Variants in AOPEP observed in about 807,000 individuals in gnomAD.
The protein encoded by AOPEP is aminopeptidase O.
In AOPEP, 77 loss-of-function variants were observed where a neutral mutation model predicts 98.1. That is an observed-to-expected ratio of 0.78 (90% CI 0.65 to 0.95). The LOEUF is 0.95. AOPEP is among the 40% of genes least tolerant of loss of function. The probability of loss-of-function intolerance (pLI) is 0.00; values close to 1 mark genes in which losing one functional copy is unlikely to be tolerated. For missense variants in AOPEP, 1,024 were observed against 1,024.7 expected (o/e 1.00, Z 0.01); for synonymous variants, 346 against 365.3 (o/e 0.95, Z 0.60).
At chr9:94,744,651 A>G (rs867665330) in intron 1 of AOPEP, among the ~76,000 whole-genome samples, 41 of 149,046 alleles carry the variant, frequency 2.8e-4, no homozygotes, top group African/African-American at 1.0e-3. Context: ...CAGTGAGACA[A>G]GATTGTGCCA....
chr9:94,875,347 G>GAAAAAA (rs71366265), intron 5 of AOPEP, among the ~76,000 whole-genome samples: 123 of 71,480 alleles, frequency 1.7e-3, no homozygotes, highest in African/African-American at 2.6e-3. Flanking sequence ...AATTGAGCAA[G>GAAAAAA]AAAAAAAAAA....
the AOPEP span, among the ~76,000 whole-genome samples, chr9:95,149,271 T>C: frequency 2.0e-5 from 3 of 151,952 alleles, no homozygotes; most frequent in Non-Finnish European, 2.9e-5. Context: ...AAGGAAACAA[T>C]AGTCGCTGGG....
At chr9:94,852,379 C>T (rs1225796394) in intron 5 of AOPEP, among the ~76,000 whole-genome samples, 2 of 152,200 alleles carry the variant, frequency 1.3e-5, no homozygotes, top group East Asian at 3.9e-4. Context: ...GTTAGTATCA[C>T]AGGCTTCCTG....
At chr9:95,096,515 C>G in the AOPEP span, among the ~76,000 whole-genome samples, 1 of 152,132 alleles carries the variant, frequency 6.6e-6, no homozygotes, top group East Asian at 1.9e-4. Flanking sequence ...TGGTGATGCC[C>G]AACAGGCGGC....
At chr9:94,770,022 C>G (rs200949275) in intron 2 of AOPEP, among the ~76,000 whole-genome samples, 2 of 152,178 alleles carry the variant, frequency 1.3e-5, no homozygotes, top group East Asian at 3.9e-4. Context: ...TCTATGCGTC[C>G]TACTTCATCA....
At chr9:94,796,769 C>T (rs1847035425) in intron 4 of AOPEP, among the ~76,000 whole-genome samples, 1 of 152,212 alleles carries the variant, frequency 6.6e-6, no homozygotes, top group Non-Finnish European at 1.5e-5. Flanking sequence ...TTAGTAAATA[C>T]ATTGATTATA....
intron 11 of AOPEP, chr9:95,004,141 G>A (rs376260238): frequency 2.2e-6 from 1 of 447,200 alleles, no homozygotes; most frequent in Non-Finnish European, 4.5e-6. Flanking sequence ...TTAAAGGGAT[G>A]GTCAAGACCC....
intron 11 of AOPEP, among the ~76,000 whole-genome samples, chr9:94,984,250 C>T (rs1298834893): frequency 2.0e-5 from 3 of 152,030 alleles, no homozygotes; most frequent in Non-Finnish European, 2.9e-5. Flanking sequence ...AGGATGGTCT[C>T]GATCTCCTGA....
Position 94,760,487 on chromosome 9 carries a change from A to C in AOPEP, c.704A>C (p.Gln235Pro). 13 of 1,612,412 alleles carry C rather than the reference A, an allele frequency of 8.1e-6. No homozygotes were observed. The highest frequency in any genetic ancestry group is 1.1e-5 in the Non-Finnish European group (13 of 1,179,468). Residue 235 changes from glutamine (Q) to proline (P), a missense_variant, in exon 2 of 17, where the codon CAG becomes CCG. By Grantham distance (76) the Gln-to-Pro change is moderately conservative (BLOSUM62 -1). Around this residue, in one of 3 missense-constraint regions of AOPEP, gnomAD observed 440 missense variants for 433.8 expected, o/e 1.01. Transcript: ENST00000375315. ...WSLQIRKTGA[Q>P]TATDFPHAIR... ...TTGCAGATAAGGAAGACAGGGGCTC[A>C]GACAGCTACTGACTTTCCTCATGCT...
the AOPEP span, among the ~76,000 whole-genome samples, chr9:95,141,471 C>G: frequency 4.6e-5 from 7 of 152,100 alleles, no homozygotes; most frequent in Admixed American, 4.6e-4. Flanking sequence ...TTTAAACACT[C>G]ACCTATATGA....
the AOPEP span, among the ~76,000 whole-genome samples, chr9:95,102,458 G>A: frequency 6.6e-6 from 1 of 152,342 alleles, no homozygotes; most frequent in Middle Eastern, 3.4e-3. Flanking sequence ...AGAAAAAAGG[G>A]AAGGGTGAGA....
intron 13 of AOPEP, among the ~76,000 whole-genome samples, chr9:95,007,616 A>G (rs1021509903): frequency 6.6e-6 from 1 of 152,188 alleles, no homozygotes; most frequent in Non-Finnish European, 1.5e-5. Context: ...AGGAGGTTTG[A>G]GGGTGGAGGT....
chr9:95,077,394 TCGCCC>T (rs750119590), intron 14 of AOPEP, among the ~76,000 whole-genome samples: 5 of 152,184 alleles, frequency 3.3e-5, no homozygotes, highest in Non-Finnish European at 7.4e-5. Context: ...GGGAGGCCGG[TCGCCC>T]CGCCAGGATG....
intron 1 of AOPEP, among the ~76,000 whole-genome samples, chr9:94,750,014 C>G (rs893287526): frequency 3.9e-5 from 6 of 152,196 alleles, no homozygotes; most frequent in African/African-American, 1.4e-4. Context: ...TATTAACAGA[C>G]AGTTAACTTG....
intron 11 of AOPEP, among the ~76,000 whole-genome samples, chr9:94,981,016 C>G (rs1336138077): frequency 3.9e-5 from 6 of 152,228 alleles, no homozygotes. Flanking sequence ...GCTCCAGTAA[C>G]TGGCTCCCAA....
intron 11 of AOPEP, among the ~76,000 whole-genome samples, chr9:94,984,054 G>A (rs12685442): frequency 0.047 from 6,959 of 147,894 alleles, 455 homozygotes; most frequent in African/African-American, 0.15. Flanking sequence ...TTTTTTTTGA[G>A]ACGGAATCTC....
chr9:95,026,490 G>A (rs1286132010), intron 13 of AOPEP, among the ~76,000 whole-genome samples: 2 of 152,166 alleles, frequency 1.3e-5, no homozygotes, highest in Non-Finnish European at 2.9e-5. Context: ...TTAGCATAAC[G>A]TATTGAGGTG....
rs1432600974 is a variant in AOPEP, at chr9:94,800,910, C to T, written c.1272C>T (p.Leu424=). ...ETLLRLIPPC[L]SAAHSVLGAH... ...TTCTGCGGCTGATCCCTCCTTGCCT[C>T]TCAGCAGCACATTCTGTTCTGGGAG... The change falls in exon 5 of 17, where the codon CTC becomes CTT. Residue 424 remains leucine (L), a synonymous_variant. Coordinates refer to ENST00000375315, the MANE Select transcript of AOPEP (RefSeq NM_001193329.3). The T allele has an allele frequency of 3.1e-6, 5 of 1,614,206 alleles. No homozygotes were observed. In the South Asian group the frequency reaches 5.5e-5, roughly 18 times the overall value.
chr9:94,785,737 G>A (rs1172825125), intron 3 of AOPEP, among the ~76,000 whole-genome samples: 1 of 152,234 alleles, frequency 6.6e-6, no homozygotes, highest in Non-Finnish European at 1.5e-5. Flanking sequence ...CAAGTACAGT[G>A]TGTTCTCTTT....
Sources: allele counts gnomAD v4.1 joint callset (sites outside exome capture counted in the v4.1 genomes callset), GRCh38; gene constraint gnomAD v4.1.1; regional missense constraint gnomAD v4.1.1; transcripts MANE v1.5; gene names NCBI Gene and HGNC (gene_info 2026-07-23, HGNC 2026-07-21).